The following FRY variants were observed in gnomAD, a reference collection of about 807,000 sequenced individuals.
FRY encodes the protein FRY microtubule binding protein, also known as protein furry homolog.
FRY carries 128 observed loss-of-function variants against 348.4 expected under a neutral mutation model. The ratio of observed to expected loss-of-function variants is 0.37; its 90% confidence interval spans 0.32 to 0.43. The LOEUF (loss-of-function observed/expected upper bound fraction) is 0.43, where lower values mean the gene tolerates loss of function less well. Among genes scored for constraint, FRY ranks in the 20% least tolerant of loss-of-function variants. FRY has a pLI of 1.00. For synonymous variants in FRY, 1,370 were observed against 1,374.7 expected, an observed-to-expected ratio of 1.00 and a Z score of 0.08; for missense variants, 2,736 against 3,695.2, an observed-to-expected ratio of 0.74 and a Z score of 6.73.
rs748454265 is a variant in FRY, at chr13:32,179,025, G to A, written c.2863G>A (p.Asp955Asn). The A allele has an allele frequency of 1.1e-5, 18 of 1,612,010 alleles. No individual in the cohort carries two copies. The highest frequency in any genetic ancestry group is 5.0e-5 in the Admixed American group (3 of 59,992). ...ATTPDGTVSY[D>N]NKAIGTPSVG... is the part of the protein sequence containing the mutation. ...CACACCTGATGGTACAGTGAGCTACGATAACAAGGTGACATGACATGCTTC... is the reference window on the plus strand; with the variant it reads ...CACACCTGATGGTACAGTGAGCTACAATAACAAGGTGACATGACATGCTTC... Residue 955 changes from aspartate (D) to asparagine (N), a missense_variant, in exon 22 of 61, where the codon GAT (aspartate) becomes AAT (asparagine). Around this residue, in one of 9 missense-constraint regions of FRY, gnomAD observed 449 missense variants for 576.9 expected, o/e 0.78. Transcript: ENST00000542859.
chr13:32,213,588 A>G (rs1884809052), intron 35 of FRY, among the ~76,000 whole-genome samples: 1 of 152,214 alleles, frequency 6.6e-6, no homozygotes. Flanking sequence ...TAAAATCTAT[A>G]TTTGCTATTA....
intron 47 of FRY, among the ~76,000 whole-genome samples, chr13:32,246,486 G>T (rs995622286): frequency 6.6e-6 from 1 of 152,246 alleles, no homozygotes; most frequent in Non-Finnish European, 1.5e-5. Context: ...CACAGAGGCT[G>T]AGAGGGCTTG....
chr13:32,207,414 C>T (rs1346326771), intron 31 of FRY, among the ~76,000 whole-genome samples: 1 of 152,112 alleles, frequency 6.6e-6, no homozygotes, highest in South Asian at 2.1e-4. Context: ...TTCCCTTGCC[C>T]CAGAGTGATT....
chr13:32,266,483 A>T (rs905152367), intron 54 of FRY, among the ~76,000 whole-genome samples: 19 of 152,184 alleles, frequency 1.2e-4, no homozygotes, highest in Non-Finnish European at 1.2e-4. Context: ...GAAGATTCAA[A>T]ATTTATATAA....
chr13:32,053,470 G>A (rs1461571327), intron 1 of FRY, among the ~76,000 whole-genome samples: 3 of 152,188 alleles, frequency 2.0e-5, no homozygotes, highest in Admixed American at 2.0e-4. Context: ...GACAATTGCT[G>A]TTTCTTTATG....
chr13:32,129,338 C>T (rs1005311058), intron 7 of FRY, among the ~76,000 whole-genome samples: 3 of 152,168 alleles, frequency 2.0e-5, no homozygotes, highest in Admixed American at 6.5e-5. Flanking sequence ...TCAGCCCTAA[C>T]AGTAGGTCTG....
intron 2 of FRY, among the ~76,000 whole-genome samples, chr13:32,101,711 A>G (rs1050224194): frequency 6.6e-6 from 1 of 152,204 alleles, no homozygotes; most frequent in African/African-American, 2.4e-5. Flanking sequence ...TTCCCTAAGT[A>G]TCAGATTCTT....
chr13:32,248,428 T>G (rs1048870123), intron 48 of FRY, among the ~76,000 whole-genome samples: 1 of 152,088 alleles, frequency 6.6e-6, no homozygotes, highest in Non-Finnish European at 1.5e-5. Context: ...AAATACCTAA[T>G]GTAGATGACA....
At chr13:32,058,107 T>C (rs1232177820) in intron 1 of FRY, among the ~76,000 whole-genome samples, 2 of 152,208 alleles carry the variant, frequency 1.3e-5, no homozygotes, top group Admixed American at 1.3e-4. Context: ...TTGAGGGTTG[T>C]TATGAAACTA....
intron 1 of FRY, among the ~76,000 whole-genome samples, chr13:32,050,429 A>G (rs1593560488): frequency 1.3e-5 from 2 of 152,214 alleles, no homozygotes; most frequent in Admixed American, 6.5e-5. Flanking sequence ...TCAGAATTAT[A>G]TATGGCTTGG....
chr13:32,193,807 C>T (rs1883504929), intron 28 of FRY, among the ~76,000 whole-genome samples: 1 of 151,940 alleles, frequency 6.6e-6, no homozygotes, highest in African/African-American at 2.4e-5. Flanking sequence ...AGGCTGGTCT[C>T]GAACTCCTGA....
At position 32,261,708 on chromosome 13, in the gene FRY, A is replaced by C. The variant is rs1250447295; in HGVS notation, c.7509A>C (p.Gln2503His). ...KCDMQILEERQLSGSTPSLNK... is the reference protein window; with the variant it reads ...KCDMQILEERHLSGSTPSLNK... ...ATATGCAGATTCTGGAGGAGCGCCA[A>C]CTGTCAGGAAGCACTCCTAGCCTGA... Residue 2503 changes from glutamine (Q) to histidine (H), a missense_variant, in exon 52 of 61, where the codon CAA becomes CAC. Physicochemically the swap from Gln to His is conservative, Grantham distance 24. Transcript: ENST00000542859. 1 of 1,614,044 alleles carries C rather than the reference A, an allele frequency of 6.2e-7. No individual in the cohort carries two copies. Among genetic ancestry groups the C allele is most frequent in the South Asian group, 1.1e-5 (1 of 91,080 alleles).
chr13:32,229,130 G>A (rs1484388988), intron 40 of FRY, among the ~76,000 whole-genome samples: 2 of 152,214 alleles, frequency 1.3e-5, no homozygotes, highest in African/African-American at 2.4e-5. Context: ...AAGGCAGTCA[G>A]AAACCAGAAA....
chr13:32,203,320 G>A (rs998809031), intron 31 of FRY, among the ~76,000 whole-genome samples: 1 of 152,174 alleles, frequency 6.6e-6, no homozygotes, highest in African/African-American at 2.4e-5. Flanking sequence ...TTGAATTTTT[G>A]CATATTCTTT....
chr13:32,044,981 G>A (rs988172590), intron 1 of FRY, among the ~76,000 whole-genome samples: 1 of 152,148 alleles, frequency 6.6e-6, no homozygotes, highest in South Asian at 2.1e-4. Context: ...CCCATGCAAT[G>A]TTAATTGTGT....
chr13:32,219,408 A>AT (rs1314358987), intron 36 of FRY, among the ~76,000 whole-genome samples: 3 of 141,792 alleles, frequency 2.1e-5, no homozygotes, highest in South Asian at 4.7e-4. Flanking sequence ...TATTCTTGAC[A>AT]TTTTTTCTTG....
chr13:32,250,964 C>T (rs953225115), intron 49 of FRY, among the ~76,000 whole-genome samples: 2 of 152,208 alleles, frequency 1.3e-5, no homozygotes, highest in African/African-American at 2.4e-5. Flanking sequence ...TCAAAGTCCT[C>T]CTGTCTCTGA....
intron 11 of FRY, among the ~76,000 whole-genome samples, chr13:32,140,503 T>A (rs1020742774): frequency 3.3e-5 from 5 of 152,132 alleles, no homozygotes; most frequent in African/African-American, 9.7e-5. Flanking sequence ...TGGGAATAAG[T>A]GATGAGTAAG....
intron 4 of FRY, among the ~76,000 whole-genome samples, chr13:32,118,973 T>C (rs1048782715): frequency 2.0e-5 from 3 of 152,178 alleles, no homozygotes; most frequent in Admixed American, 1.3e-4. Flanking sequence ...TTCCTCTGTT[T>C]TGTCAGAATT....
Sources: gnomAD v4.1 joint callset for allele counts (sites outside exome capture counted in the v4.1 genomes callset) on GRCh38, gnomAD v4.1.1 for gene constraint, gnomAD v4.1.1 regional missense constraint, MANE v1.5 for transcripts, NCBI Gene and HGNC (gene_info 2026-07-23, HGNC 2026-07-21) for gene names.